TMED10: variants seen among roughly 807,000 people sequenced by gnomAD.
TMED10 encodes the protein transmembrane emp24 domain-containing protein 10.
Under a neutral mutation model 23.1 loss-of-function variants are expected in TMED10, and 7 were observed. The observed-to-expected ratio is 0.30, with a 90% CI of 0.17 to 0.57. TMED10 has a LOEUF of 0.57. TMED10 is among the 20% of genes least tolerant of loss of function. The pLI is 0.91. For synonymous variants in TMED10, 113 were observed against 106.9 expected (o/e 1.06, Z -0.35); for missense variants, 162 against 274.8 (o/e 0.59, Z 2.90).
In TMED10 at chr14:75,135,924, A is replaced by G. The variant is rs1373338218; in HGVS notation, c.412-38T>C. On this transcript the variant is annotated intron_variant, in intron 3 of 4. Coordinates refer to ENST00000303575, the MANE Select transcript of TMED10 (RefSeq NM_006827.6). Reference sequence around the variant, plus strand: ...GGAATATTTTCAGCTCTCTGAAAACATCGCTTCAGTCAAGAACATAAAGAA... The same window carrying G: ...GGAATATTTTCAGCTCTCTGAAAACGTCGCTTCAGTCAAGAACATAAAGAA... 4 of 1,609,368 alleles carry G rather than the reference A, an allele frequency of 2.5e-6. No individual in the cohort carries two copies. In the South Asian group the frequency reaches 3.3e-5, roughly 13 times the overall value.
At chr14:75,169,530 C>T (rs559402766) in intron 1 of TMED10, among the ~76,000 whole-genome samples, 28 of 152,242 alleles carry the variant, frequency 1.8e-4, no homozygotes, top group Admixed American at 1.1e-3. Flanking sequence ...TAGTGGTACG[C>T]GCCTATAATC....
intron 1 of TMED10, among the ~76,000 whole-genome samples, chr14:75,173,197 G>A (rs989015681): frequency 6.6e-6 from 1 of 152,180 alleles, no homozygotes; most frequent in East Asian, 1.9e-4. Flanking sequence ...ACCAGCCTGG[G>A]TAACATGGCG....
chr14:75,173,491 C>G (rs1896261456), intron 1 of TMED10, among the ~76,000 whole-genome samples: 1 of 152,158 alleles, frequency 6.6e-6, no homozygotes, highest in Non-Finnish European at 1.5e-5. Context: ...GTATTGGTCA[C>G]CCCTAATTAA....
chr14:75,163,910 C>A (rs960944133), intron 1 of TMED10, among the ~76,000 whole-genome samples: 1 of 152,022 alleles, frequency 6.6e-6, no homozygotes, highest in Non-Finnish European at 1.5e-5. Flanking sequence ...CAAGGACACA[C>A]CACCACGCCC....
intron 1 of TMED10, among the ~76,000 whole-genome samples, chr14:75,169,709 G>C (rs1158072510): frequency 6.6e-6 from 1 of 152,150 alleles, no homozygotes; most frequent in East Asian, 1.9e-4. Context: ...AAGCTCAGCT[G>C]GCCAGGTTCT....
Position 75,165,890 on chromosome 14 carries a change from G to A in TMED10, c.225+10465C>T, listed in dbSNP as rs151309846. 2.6e-4 allele frequency among the ~76,000 whole-genome samples: 40 copies of A among 151,984 alleles called. No homozygotes were observed. In the East Asian group the frequency reaches 6.8e-3, roughly 26 times the overall value. ...CAGAAATAGCAAATTTCCAGGCACT[G>A]GCATGATAATGGATAGATGCTCTCT... is the stretch of plus-strand genomic sequence containing the variant. On this transcript the variant is annotated intron_variant, in intron 1 of 4. Transcript: ENST00000303575.
chr14:75,137,418 A>G (rs1192356208), intron 3 of TMED10, among the ~76,000 whole-genome samples: 1 of 144,586 alleles, frequency 6.9e-6, no homozygotes, highest in African/African-American at 2.6e-5. Context: ...CACACCTGTA[A>G]TCCCAGCACT....
At chr14:75,170,674 A>C (rs760118067) in intron 1 of TMED10, among the ~76,000 whole-genome samples, 1 of 152,246 alleles carries the variant, frequency 6.6e-6, no homozygotes, top group Non-Finnish European at 1.5e-5. Flanking sequence ...ACTCTTGGAC[A>C]ACACTGAAAA....
intron 1 of TMED10, among the ~76,000 whole-genome samples, chr14:75,163,181 G>A (rs1896105221): frequency 6.6e-6 from 1 of 152,124 alleles, no homozygotes; most frequent in Admixed American, 6.6e-5. Context: ...GGTCAAGGCT[G>A]CAGTGAGTTG....
chr14:75,150,052 C>A (rs1273675171), intron 2 of TMED10, among the ~76,000 whole-genome samples: 1 of 152,122 alleles, frequency 6.6e-6, no homozygotes, highest in Non-Finnish European at 1.5e-5. Context: ...GAGCCAAGAT[C>A]GCACCACTGC....
At chr14:75,155,825 A>G (rs1169265547) in intron 1 of TMED10, among the ~76,000 whole-genome samples, 2 of 152,198 alleles carry the variant, frequency 1.3e-5, no homozygotes, top group African/African-American at 2.4e-5. Flanking sequence ...AAACAAAAAT[A>G]TGGCATTATC....
At chr14:75,158,902 C>T (rs886845151) in intron 1 of TMED10, among the ~76,000 whole-genome samples, 28 of 151,954 alleles carry the variant, frequency 1.8e-4, no homozygotes, top group African/African-American at 6.5e-4. Flanking sequence ...CTAGCCTGGG[C>T]AACAAGAGTG....
chr14:75,159,917 G>A (rs189887801), intron 1 of TMED10, among the ~76,000 whole-genome samples: 116 of 152,280 alleles, frequency 7.6e-4, no homozygotes, highest in African/African-American at 2.7e-3. Context: ...TTCATTTCAA[G>A]AGGCTGAAGG....
chr14:75,131,874 A>C lies in TMED10; in HGVS notation c.*3011T>G, dbSNP rs145988207. ...AGGGAAGGGACATGAAAGAATGTCAACTCCTACAAAGCTTAAGTTTAGGGT... is the reference window on the plus strand; with the variant it reads ...AGGGAAGGGACATGAAAGAATGTCACCTCCTACAAAGCTTAAGTTTAGGGT... On this transcript the variant is annotated 3_prime_UTR_variant, in exon 5 of 5. Transcript: ENST00000303575. 6.6e-6 allele frequency: 1 copy of C among 152,288 alleles called. No homozygotes were observed. Among genetic ancestry groups the C allele is most frequent in the African/African-American group, 2.4e-5 (1 of 41,464 alleles). 9.4% of individuals were successfully genotyped at this position (152,288 alleles called of 1,614,324 possible).
chr14:75,166,692 T>C (rs911768510), intron 1 of TMED10, among the ~76,000 whole-genome samples: 2 of 152,182 alleles, frequency 1.3e-5, no homozygotes, highest in Non-Finnish European at 2.9e-5. Flanking sequence ...AGCTAGGAAC[T>C]TTGTATATAA....
At chr14:75,173,621 G>A (rs1291716954) in intron 1 of TMED10, among the ~76,000 whole-genome samples, 1 of 152,120 alleles carries the variant, frequency 6.6e-6, no homozygotes, top group Non-Finnish European at 1.5e-5. Context: ...GACCCTTGTG[G>A]TTCCATTAAG....
At chr14:75,164,819 G>A (rs1483145062) in intron 1 of TMED10, among the ~76,000 whole-genome samples, 2 of 149,380 alleles carry the variant, frequency 1.3e-5, no homozygotes, top group Non-Finnish European at 3.0e-5. Flanking sequence ...GGGCCCAAAT[G>A]GCTATTGCAT....
At chr14:75,159,589 T>C (rs1896062632) in intron 1 of TMED10, among the ~76,000 whole-genome samples, 1 of 152,240 alleles carries the variant, frequency 6.6e-6, no homozygotes, top group South Asian at 2.1e-4. Flanking sequence ...AACAGTGTCC[T>C]TCAAAAACTT....
chr14:75,158,793 G>A (rs568088753), intron 1 of TMED10, among the ~76,000 whole-genome samples: 5 of 152,146 alleles, frequency 3.3e-5, no homozygotes, highest in East Asian at 3.9e-4. Flanking sequence ...GCATGGTGGC[G>A]CATGCCTGTA....
Sources: allele counts gnomAD v4.1 joint callset (sites outside exome capture counted in the v4.1 genomes callset), GRCh38; gene constraint gnomAD v4.1.1; transcripts MANE v1.5; gene names NCBI Gene and HGNC (gene_info 2026-07-23, HGNC 2026-07-21).